HEMK2: variants seen among roughly 807,000 people sequenced by gnomAD.
HEMK2 encodes the protein methyltransferase HEMK2.
the HEMK2 span, among the ~76,000 whole-genome samples, chr21:28,833,500 C>T: frequency 6.6e-6 from 1 of 152,212 alleles, no homozygotes. Flanking sequence ...TGTCCAAGAC[C>T]AAGAATGACT....
At chr21:28,709,566 T>C in the HEMK2 span, among the ~76,000 whole-genome samples, 4 of 152,294 alleles carry the variant, frequency 2.6e-5, no homozygotes, top group Admixed American at 2.6e-4. Context: ...ATTTATATAA[T>C]TTAAATACAA....
At chr21:28,824,708 A>G in the HEMK2 span, among the ~76,000 whole-genome samples, 1 of 152,226 alleles carries the variant, frequency 6.6e-6, no homozygotes, top group Non-Finnish European at 1.5e-5. Flanking sequence ...TAGCCTATTC[A>G]ATACTAAAAA....
the HEMK2 span, among the ~76,000 whole-genome samples, chr21:28,637,418 AAC>A: frequency 6.6e-6 from 1 of 152,090 alleles, no homozygotes; most frequent in African/African-American, 2.4e-5. Context: ...TCATTGATAT[AAC>A]AGTGGGCACT....
the HEMK2 span, among the ~76,000 whole-genome samples, chr21:28,798,579 A>G: frequency 6.6e-6 from 1 of 152,124 alleles, no homozygotes; most frequent in Non-Finnish European, 1.5e-5. Context: ...TGGAAACTAA[A>G]TAAGGGATGT....
chr21:28,747,676 G>A, the HEMK2 span, among the ~76,000 whole-genome samples: 1 of 152,120 alleles, frequency 6.6e-6, no homozygotes, highest in East Asian at 1.9e-4. Context: ...CATATACCAT[G>A]GAATACTATG....
chr21:28,789,496 A>T, the HEMK2 span, among the ~76,000 whole-genome samples: 2 of 152,200 alleles, frequency 1.3e-5, no homozygotes, highest in African/African-American at 4.8e-5. Context: ...TATTTTCTTA[A>T]AAGATAAAAT....
At chr21:28,618,261 C>A in the HEMK2 span, among the ~76,000 whole-genome samples, 1 of 152,124 alleles carries the variant, frequency 6.6e-6, no homozygotes, top group African/African-American at 2.4e-5. Flanking sequence ...TCCTCTGTGA[C>A]CTTACTTTTC....
At chr21:28,667,088 T>G in the HEMK2 span, among the ~76,000 whole-genome samples, 1 of 152,176 alleles carries the variant, frequency 6.6e-6, no homozygotes, top group East Asian at 1.9e-4. Flanking sequence ...ATAATTTTCC[T>G]GTAGACTTGT....
At chr21:28,618,011 C>T in the HEMK2 span, among the ~76,000 whole-genome samples, 1 of 152,112 alleles carries the variant, frequency 6.6e-6, no homozygotes, top group Non-Finnish European at 1.5e-5. Flanking sequence ...TGGTCTCAAA[C>T]CCCTGGGCAC....
chr21:28,665,599 AG>A, the HEMK2 span, among the ~76,000 whole-genome samples: 1 of 151,710 alleles, frequency 6.6e-6, no homozygotes, highest in African/African-American at 2.4e-5. Context: ...GGTGCTGGAG[AG>A]GATGTGGAGA....
chr21:28,797,358 G>A, the HEMK2 span, among the ~76,000 whole-genome samples: 3 of 152,062 alleles, frequency 2.0e-5, no homozygotes, highest in South Asian at 2.1e-4. Context: ...AACTTTGGGA[G>A]GCTAAGGTGG....
At chr21:28,619,882 T>C in the HEMK2 span, among the ~76,000 whole-genome samples, 1 of 152,206 alleles carries the variant, frequency 6.6e-6, no homozygotes, top group Non-Finnish European at 1.5e-5. Context: ...AAACACCACA[T>C]GACTTCGTAA....
chr21:28,758,307 G>A, the HEMK2 span, among the ~76,000 whole-genome samples: 1 of 152,198 alleles, frequency 6.6e-6, no homozygotes, highest in Non-Finnish European at 1.5e-5. Context: ...AGAATGAGTT[G>A]CTCTGTGCAA....
At chr21:28,587,993 T>G in the HEMK2 span, among the ~76,000 whole-genome samples, 1 of 152,206 alleles carries the variant, frequency 6.6e-6, no homozygotes. Flanking sequence ...CCAGCTGCAG[T>G]TGGCAGAAAG....
the HEMK2 span, among the ~76,000 whole-genome samples, chr21:28,765,969 C>T: frequency 3.3e-5 from 5 of 152,200 alleles, no homozygotes; most frequent in Non-Finnish European, 7.4e-5. Context: ...GAATACTATG[C>T]AGCCATAAAA....
chr21:28,715,283 G>A, the HEMK2 span, among the ~76,000 whole-genome samples: 180 of 152,066 alleles, frequency 1.2e-3, no homozygotes, highest in Middle Eastern at 3.4e-3. Flanking sequence ...TCTTGTCTCC[G>A]CAGCCTTGCA....
the HEMK2 span, among the ~76,000 whole-genome samples, chr21:28,880,218 C>T: frequency 3.9e-5 from 6 of 152,190 alleles, no homozygotes; most frequent in Admixed American, 3.9e-4. Flanking sequence ...TCTGGGTTCA[C>T]TTTTAGAAAA....
chr21:28,599,072 A>C, the HEMK2 span, among the ~76,000 whole-genome samples: 1 of 152,246 alleles, frequency 6.6e-6, no homozygotes, highest in Non-Finnish European at 1.5e-5. Context: ...GAGCTAGTAA[A>C]CTGATTGACA....
At chr21:28,670,323 A>G in the HEMK2 span, among the ~76,000 whole-genome samples, 3 of 152,194 alleles carry the variant, frequency 2.0e-5, no homozygotes, top group African/African-American at 7.2e-5. Context: ...AAATATTCTT[A>G]GTTTTATTTT....
Sources: gnomAD v4.1 joint callset for allele counts (sites outside exome capture counted in the v4.1 genomes callset) on GRCh38, gnomAD v4.1.1 for gene constraint, MANE v1.5 for transcripts, NCBI Gene and HGNC (gene_info 2026-07-23, HGNC 2026-07-21) for gene names.